FDXR: variants seen among roughly 807,000 people sequenced by gnomAD.
The protein encoded by FDXR is ferredoxin reductase.
FDXR carries 38 observed loss-of-function variants against 58.3 expected under a neutral mutation model. The ratio of observed to expected loss-of-function variants is 0.65; its 90% CI spans 0.50 to 0.85. The LOEUF is 0.85. Ranked by LOEUF, FDXR falls within the 40% of genes least tolerant of loss-of-function variation. The probability of loss-of-function intolerance (pLI) is 0.00; values close to 1 mark genes in which losing one functional copy is unlikely to be tolerated. For synonymous variants in FDXR, 275 were observed against 273.8 expected (o/e 1.00, Z -0.04); for missense variants, 624 against 671.0 (o/e 0.93, Z 0.77).
chr17:74,865,871 C>A, intron 5 of FDXR, 51 bp from the exon 6 acceptor site: 1 of 1,389,858 alleles, frequency 7.2e-7, no homozygotes. Context: ...CCACTCAGTT[C>A]ATCTCAGTCT....
chr17:74,863,311 C>A, intron 10 of FDXR, 65 bp from the exon 11 acceptor site: 166 of 1,466,326 alleles, frequency 1.1e-4, no homozygotes, highest in Admixed American at 3.4e-4. Flanking sequence ...CCATCCTGTG[C>A]CCACAATCTA....
rs1486576946 is a variant in FDXR at position 74,872,333 on chromosome 17, A to G, written c.80-200T>C. 3 of 1,473,118 alleles carry G rather than the reference A, an allele frequency of 2.0e-6. No homozygotes were observed. In the East Asian group the frequency reaches 7.4e-5, roughly 36 times the overall value. The allele number at this position is 1,473,118 out of a possible 1,614,324, so 91.3% of individuals were successfully genotyped here. A position where few individuals can be genotyped will look rare whatever the true frequency, so the allele number is the denominator to read the frequency against. On this transcript the variant is annotated intron_variant, in intron 1 of 11. Coordinates refer to ENST00000293195, the MANE Select transcript of FDXR (RefSeq NM_024417.5). ...CCCCAAAGGCTGTGGGTTCATCCAG[A>G]GCCCACATCTCACCCATGAACCTAC...
chr17:74,867,306 C>CAA (rs56079045), intron 2 of FDXR, among the ~76,000 whole-genome samples: 360 of 16,524 alleles, frequency 0.022, 58 homozygotes, highest in Non-Finnish European at 0.032. Flanking sequence ...GACTCTGTCT[C>CAA]AAAAAAAAAA....
intron 2 of FDXR, chr17:74,868,708 TC>T: frequency 6.6e-7 from 1 of 1,525,036 alleles, no homozygotes; most frequent in Non-Finnish European, 8.8e-7. Context: ...CTTCCTTCCC[TC>T]CCTCCTGTCC....
Position 74,862,697 on chromosome 17 carries a change from A to C in FDXR, c.*120T>G. On this transcript the variant is annotated 3_prime_UTR_variant, in exon 12 of 12. Coordinates refer to ENST00000293195, the MANE Select transcript of FDXR (RefSeq NM_024417.5). ...AGGAGAGACGCTGGAAGAGCAGCCA[A>C]GCCTCCAAGCCAGGGCCGGCCGGGA... 7.4e-7 allele frequency: 1 copy of C among 1,343,040 alleles called. No individual in the cohort carries two copies. Among genetic ancestry groups the C allele is most frequent in the Non-Finnish European group, 1.0e-6 (1 of 1,000,558 alleles). The allele number at this position is 1,343,040 out of a possible 1,614,324, so 83.2% of individuals were successfully genotyped here.
chr17:74,869,020 G>A (rs2038286314), intron 2 of FDXR, among the ~76,000 whole-genome samples: 1 of 152,006 alleles, frequency 6.6e-6, no homozygotes, highest in Non-Finnish European at 1.5e-5. Flanking sequence ...GCCCAAGCTG[G>A]AACCTGGGGC....
At position 74,865,858 on chromosome 17, in the gene FDXR, G is replaced by A. The variant is rs2070920; in HGVS notation, c.508-38C>T. On this transcript the variant is annotated intron_variant, in intron 5 of 11. Transcript: ENST00000293195. Reference sequence around the variant, plus strand: ...GGTCTTGATAGGGTCCCCCAGCCTCGCTCCACTCAGTTCATCTCAGTCTGC... The same window carrying A: ...GGTCTTGATAGGGTCCCCCAGCCTCACTCCACTCAGTTCATCTCAGTCTGC... 74,099 of 1,478,816 alleles carry A rather than the reference G, an allele frequency of 0.05. 4,496 individuals carry two copies. The highest frequency in any genetic ancestry group is 0.22 in the East Asian group (9,622 of 43,628). 91.6% of individuals were successfully genotyped at this position (1,478,816 alleles called of 1,614,324 possible).
At chr17:74,863,306 CTGT>C in intron 10 of FDXR, 60 bp from the exon 11 acceptor site, 1 of 1,527,566 alleles carries the variant, frequency 6.5e-7, no homozygotes, top group Non-Finnish European at 8.9e-7. Flanking sequence ...CCTGGCCATC[CTGT>C]GCCCACAATC....
chr17:74,867,400 C>G lies in FDXR; in HGVS notation c.178-524G>C, dbSNP rs35880273. 9.8e-3 allele frequency among the ~76,000 whole-genome samples: 1,492 copies of G among 152,016 alleles called. 35 individuals carry two copies. The highest frequency in any genetic ancestry group is 0.034 in the African/African-American group (1,393 of 41,404). ...CAGCTGACAAGGCCGTGGCTTCCCCCGACTGGAATTATATCAGGGCGGCTT... is the reference window on the plus strand; with the variant it reads ...CAGCTGACAAGGCCGTGGCTTCCCCGGACTGGAATTATATCAGGGCGGCTT... On this transcript the variant is annotated intron_variant, in intron 2 of 11. Coordinates refer to ENST00000293195, the MANE Select transcript of FDXR (RefSeq NM_024417.5).
intron 5 of FDXR, 149 bp downstream of exon 5, chr17:74,865,982 C>A: frequency 1.2e-6 from 1 of 831,046 alleles, no homozygotes; most frequent in Non-Finnish European, 1.9e-6. Flanking sequence ...CCCAGCTCTC[C>A]CCCGAGGCCC....
At position 74,864,569 on chromosome 17, in the gene FDXR, A is replaced by G; in HGVS notation, c.718-5T>C. 8 of 1,613,352 alleles carry G rather than the reference A, an allele frequency of 5.0e-6. No homozygotes were observed. Among genetic ancestry groups the G allele is most frequent in the African/African-American group, 1.3e-5 (1 of 75,004 alleles). On this transcript the variant is annotated splice_region_variant and splice_polypyrimidine_tract_variant and intron_variant, in intron 7 of 11. Transcript: ENST00000293195. ...CTGAATCATCTCCCGAAGCTCCTTG[A>G]AGGTGGGAGCAGGGAATGGGGGAGG...
At chr17:74,866,425 C>T (rs1278792312) in intron 4 of FDXR, 21 bp downstream of exon 4, 2 of 1,611,710 alleles carry the variant, frequency 1.2e-6, no homozygotes, top group South Asian at 1.1e-5. Context: ...CCTCCCCAAG[C>T]CAGGGCCTAG....
At chr17:74,871,215 A>G (rs1172515593) in intron 2 of FDXR, among the ~76,000 whole-genome samples, 1 of 152,194 alleles carries the variant, frequency 6.6e-6, no homozygotes, top group African/African-American at 2.4e-5. Context: ...GTCACTTTTC[A>G]GCAGAGTGAT....
At chr17:74,865,061 G>A in intron 6 of FDXR, 130 bp from the exon 7 acceptor site, 2 of 1,274,842 alleles carry the variant, frequency 1.6e-6, no homozygotes, top group Non-Finnish European at 2.2e-6. Context: ...CTCCCCCCTG[G>A]TGGCCAGATG....
rs747210043 is a variant in FDXR, at chr17:74,862,819, A to C, written c.1474T>G (p.Ter492GlyextTer13). ...GGGGGCCGGGGCTGGGGCTGGGCTC[A>C]GTGGCCCAGGAGGCGCAGCATCTCC... ...PQEMLRLLGH[*>G] is the part of the protein sequence containing the mutation. Residue 492 changes from the stop codon to glycine, a stop_lost, in exon 12 of 12, where the codon TGA becomes GGA. Coordinates refer to ENST00000293195, the MANE Select transcript of FDXR (RefSeq NM_024417.5). The C allele has an allele frequency of 1.9e-6, 3 of 1,609,136 alleles. No homozygotes were observed. The highest frequency in any genetic ancestry group is 2.5e-6 in the Non-Finnish European group (3 of 1,179,344).
chr17:74,864,421 C>T (rs1186268984), intron 8 of FDXR, 59 bp downstream of exon 8: 13 of 1,608,630 alleles, frequency 8.1e-6, no homozygotes, highest in Non-Finnish European at 1.0e-5. Context: ...TCCCCAATCC[C>T]TCTCTGACCT....
At chr17:74,863,500 T>C (rs2038050906) in intron 10 of FDXR, among the ~76,000 whole-genome samples, 1 of 152,192 alleles carries the variant, frequency 6.6e-6, no homozygotes, top group African/African-American at 2.4e-5. Flanking sequence ...TGAGGCTTGC[T>C]CCCCTGCAGT....
In FDXR at chr17:74,866,508, C is replaced by A; in HGVS notation, c.331G>T (p.Val111Leu). The change falls in exon 4 of 12, where the codon GTG becomes TTG. Residue 111 changes from valine (V) to leucine (L), a missense_variant. Physicochemically the swap from Val to Leu is conservative, Grantham distance 32 (BLOSUM62 1). Transcript: ENST00000293195. ...HSGRCAFWGNVEVGRDVTVPE... is the reference protein window; with the variant it reads ...HSGRCAFWGNLEVGRDVTVPE... ...ACCGTCACGTCCCTGCCCACCTCCA[C>A]GTTGCCCCAGAAGGCACAGCGGCCA... 6.2e-7 allele frequency: 1 copy of A among 1,613,844 alleles called. No individual in the cohort carries two copies. The highest frequency in any genetic ancestry group is 8.5e-7 in the Non-Finnish European group (1 of 1,180,014).
rs865797787 is a variant in FDXR, at chr17:74,872,928, C to T, written c.17G>A (p.Trp6Ter). The change falls in exon 1 of 12, where the codon TGG becomes TAG. Residue 6 changes from tryptophan (W) to a stop codon, truncating the protein, a stop_gained. Transcript: ENST00000293195. LOFTEE classifies it high-confidence loss of function. MASRC[W>*]RWWGWSAWPR... ...CCACGCCGACCAGCCCCACCAGCGC[C>T]AGCAGCGCGAAGCCATGGCTGGGAG... 2 of 1,556,314 alleles carry T rather than the reference C, an allele frequency of 1.3e-6. No homozygotes were observed. Among genetic ancestry groups the T allele is most frequent in the Non-Finnish European group, 1.7e-6 (2 of 1,150,484 alleles).
Sources: gnomAD v4.1 joint callset for allele counts (sites outside exome capture counted in the v4.1 genomes callset) on GRCh38, gnomAD v4.1.1 for gene constraint, MANE v1.5 for transcripts, NCBI Gene and HGNC (gene_info 2026-07-23, HGNC 2026-07-21) for gene names.